NSG1: variants seen among roughly 807,000 people sequenced by gnomAD.
NSG1 encodes neuronal vesicle trafficking-associated protein 1.
In NSG1, 9 loss-of-function variants were observed where a neutral mutation model predicts 19.3. The observed-to-expected ratio is 0.47, with a 90% CI of 0.28 to 0.81. The LOEUF is 0.81. Among genes scored for constraint, NSG1 ranks in the 40% least tolerant of loss-of-function variants. NSG1 has a pLI of 0.11. For synonymous variants in NSG1, 104 were observed against 107.0 expected (o/e 0.97, Z 0.17); for missense variants, 236 against 242.4 (o/e 0.97, Z 0.18).
chr4:4,397,822 T>C (rs540361844), intron 3 of NSG1, among the ~76,000 whole-genome samples: 5 of 152,220 alleles, frequency 3.3e-5, no homozygotes, highest in Admixed American at 6.5e-5. Flanking sequence ...TCCCGGCTGT[T>C]CTTTCCAGAA....
intron 2 of NSG1, among the ~76,000 whole-genome samples, chr4:4,388,905 GGCCACGGTGGT>G (rs1449824174): frequency 6.6e-6 from 1 of 152,238 alleles, no homozygotes; most frequent in East Asian, 1.9e-4. Context: ...GTGCCCCCCA[GGCCACGGTGGT>G]GCCACTCTGG....
At chr4:4,399,542 G>A (rs1393348700) in intron 3 of NSG1, among the ~76,000 whole-genome samples, 1 of 151,760 alleles carries the variant, frequency 6.6e-6, no homozygotes, top group Non-Finnish European at 1.5e-5. Context: ...TGTAAGATAT[G>A]TGATTTGTAA....
chr4:4,397,152 CT>C (rs75001083), intron 3 of NSG1, among the ~76,000 whole-genome samples: 8,839 of 139,282 alleles, frequency 0.063, 381 homozygotes, highest in East Asian at 0.26. Context: ...AAGTTTTTTC[CT>C]TTTTTTTTTT....
intron 3 of NSG1, among the ~76,000 whole-genome samples, chr4:4,403,647 G>C (rs116171778): frequency 6.6e-6 from 1 of 152,196 alleles, no homozygotes; most frequent in Admixed American, 6.5e-5. Flanking sequence ...ATTTCCGGGA[G>C]TAGGACCTGG....
chr4:4,389,828 C>A (rs1722909006), intron 2 of NSG1, among the ~76,000 whole-genome samples: 1 of 152,154 alleles, frequency 6.6e-6, no homozygotes, highest in African/African-American at 2.4e-5. Context: ...GGGCTGGTCT[C>A]CCCTGACATT....
intron 3 of NSG1, among the ~76,000 whole-genome samples, chr4:4,403,428 G>A (rs1038042981): frequency 8.5e-5 from 13 of 152,232 alleles, no homozygotes; most frequent in East Asian, 1.9e-4. Context: ...GTCCTCCGCC[G>A]TCATATCCTG....
chr4:4,403,073 T>C (rs1723653651), intron 3 of NSG1, among the ~76,000 whole-genome samples: 1 of 152,226 alleles, frequency 6.6e-6, no homozygotes, highest in African/African-American at 2.4e-5. Flanking sequence ...CATTAGGAGA[T>C]GGAGTATCTG....
intron 3 of NSG1, among the ~76,000 whole-genome samples, chr4:4,393,554 G>A (rs573143213): frequency 1.2e-3 from 184 of 152,350 alleles, no homozygotes; most frequent in African/African-American, 3.6e-3. Context: ...TCTACCTCCT[G>A]TGGCTGTCTG....
Position 4,401,510 on chromosome 4 carries a change from C to T in NSG1, c.247-8063C>T, listed in dbSNP as rs376675382. ...TTTCTTCCTGCTGGACTCCCATTTC[C>T]CTCCTCCCTGGTAAGCTCCTCCTCC... is the stretch of plus-strand genomic sequence containing the variant. On this transcript the variant is annotated intron_variant, in intron 3 of 4. Coordinates refer to ENST00000621129, the MANE Select transcript of NSG1 (RefSeq NM_014392.5). Among the ~76,000 whole-genome samples the T allele has an allele frequency of 1.3e-3, 205 of 152,280 alleles. 2 individuals carry two copies. Among genetic ancestry groups the T allele is most frequent in the African/African-American group, 4.5e-3 (189 of 41,560 alleles).
intron 4 of NSG1, among the ~76,000 whole-genome samples, chr4:4,415,417 C>T (rs1418323485): frequency 2.6e-5 from 4 of 152,322 alleles, no homozygotes; most frequent in Non-Finnish European, 4.4e-5. Context: ...TCAAGGCACA[C>T]ACCCCACAGG....
chr4:4,390,396 C>T (rs1722931668), intron 2 of NSG1, among the ~76,000 whole-genome samples: 1 of 152,240 alleles, frequency 6.6e-6, no homozygotes, highest in Admixed American at 6.5e-5. Flanking sequence ...TGTTCTTTCT[C>T]CCCAAGGCTG....
In NSG1 at chr4:4,417,344, G is replaced by C; in HGVS notation, c.467G>C (p.Ser156Thr). The change falls in exon 5 of 5, where the codon AGC becomes ACC. Residue 156 changes from serine (S) to threonine (T), a missense_variant. Physicochemically the swap from Ser to Thr is moderately conservative, Grantham distance 58. Coordinates refer to ENST00000621129, the MANE Select transcript of NSG1 (RefSeq NM_014392.5). ...VINHYNLAKQ[S>T]ITRSVSPWMS... ...AACCACTACAACCTGGCCAAGCAGA[G>C]CATCACGCGCTCCGTATCGCCCTGG... 1.2e-6 allele frequency: 2 copies of C among 1,614,206 alleles called. No individual in the cohort carries two copies. Among genetic ancestry groups the C allele is most frequent in the Non-Finnish European group, 1.7e-6 (2 of 1,180,048 alleles).
At chr4:4,411,776 A>ACACAACACAACACAACACAACACAAC (rs1553819745) in intron 4 of NSG1, among the ~76,000 whole-genome samples, 5,757 of 132,578 alleles carry the variant, frequency 0.043, 163 homozygotes, top group African/African-American at 0.077. Flanking sequence ...AACAAAACAA[A>ACACAACACAACACAACACAACACAAC]ACAAAACAAA....
intron 3 of NSG1, among the ~76,000 whole-genome samples, chr4:4,398,418 C>T (rs1047839567): frequency 6.6e-6 from 1 of 152,036 alleles, no homozygotes; most frequent in Non-Finnish European, 1.5e-5. Flanking sequence ...AAAGGAGACC[C>T]CATTCCCATT....
At chr4:4,404,774 TTTAA>T (rs1723763627) in intron 3 of NSG1, among the ~76,000 whole-genome samples, 1 of 152,142 alleles carries the variant, frequency 6.6e-6, no homozygotes, top group South Asian at 2.1e-4. Flanking sequence ...TTTATTTCAC[TTTAA>T]TTAGGAAAAA....
intron 3 of NSG1, among the ~76,000 whole-genome samples, chr4:4,393,109 G>C (rs1270924088): frequency 6.6e-6 from 1 of 152,176 alleles, no homozygotes; most frequent in East Asian, 1.9e-4. Flanking sequence ...TTGATTTCAA[G>C]GTCATGGTGT....
chr4:4,409,701 C>A lies in NSG1; in HGVS notation c.357+18C>A, dbSNP rs752574673. On this transcript the variant is annotated intron_variant, in intron 4 of 4. Transcript: ENST00000621129. ...TCCTCAAGGTAAAACTCCGTTTTCC[C>A]CCAGAGGCCCTGGGACGCCTTTGCA... 5.0e-6 allele frequency: 8 copies of A among 1,595,460 alleles called. No homozygotes were observed. Among genetic ancestry groups the A allele is most frequent in the Non-Finnish European group, 6.0e-6 (7 of 1,163,096 alleles).
rs764316745 is a variant in NSG1, at chr4:4,417,400, G to A, written c.523G>A (p.Glu175Lys). 27 of 1,614,112 alleles carry A rather than the reference G, an allele frequency of 1.7e-5. No homozygotes were observed. The highest frequency in any genetic ancestry group is 9.9e-5 in the South Asian group (9 of 91,092). ...MSVLSEEKLS[E>K]QETEAAEKSA ...AGTTCTGTCAGAAGAGAAGCTGTCC[G>A]AGCAGGAGACTGAAGCGGCTGAGAA... Residue 175 changes from glutamate (E) to lysine (K), a missense_variant, in exon 5 of 5, where the codon GAG (glutamate) becomes AAG (lysine). Physicochemically the swap from Glu to Lys is moderately conservative, Grantham distance 56. Coordinates refer to ENST00000621129, the MANE Select transcript of NSG1 (RefSeq NM_014392.5).
At position 4,417,276 on chromosome 4, in the gene NSG1, G is replaced by A. The variant is rs376104928; in HGVS notation, c.399G>A (p.Ala133=). 5.3e-5 allele frequency: 85 copies of A among 1,614,022 alleles called. No individual in the cohort carries two copies. The Admixed American group carries it at 5.8e-4, about 11-fold the overall frequency. The change falls in exon 5 of 5, where the codon GCG becomes GCA. Residue 133 remains alanine, a synonymous_variant. Coordinates refer to ENST00000621129, the MANE Select transcript of NSG1 (RefSeq NM_014392.5). ...CIPEGLESYY[A]EQDSSAREKF... is the part of the protein sequence containing the mutation. ...CAGAAGGCTTGGAGAGCTACTACGC[G>A]GAGCAAGACTCCAGTGCCCGGGAGA... is the stretch of plus-strand genomic sequence containing the variant.
Sources: gnomAD v4.1 joint callset for allele counts (sites outside exome capture counted in the v4.1 genomes callset) on GRCh38, gnomAD v4.1.1 for gene constraint, MANE v1.5 for transcripts, NCBI Gene and HGNC (gene_info 2026-07-23, HGNC 2026-07-21) for gene names.